IGFBP2: variants seen among roughly 807,000 people sequenced by gnomAD.
IGFBP2 encodes insulin like growth factor binding protein 2.
A neutral mutation model predicts 26.2 loss-of-function variants in IGFBP2; 12 were observed. The ratio of observed to expected loss-of-function variants is 0.46; its 90% CI spans 0.29 to 0.74. IGFBP2 has a LOEUF of 0.74. Among genes scored for constraint, IGFBP2 ranks in the 30% least tolerant of loss-of-function variants. The pLI, the probability that IGFBP2 is intolerant of heterozygous loss-of-function variation, is 0.09. For missense variants in IGFBP2, 328 were observed against 441.2 expected, an observed-to-expected ratio of 0.74 and a Z score of 2.30; for synonymous variants, 189 against 200.6, an observed-to-expected ratio of 0.94 and a Z score of 0.49.
chr2:216,659,658 C>T (rs372151331), intron 1 of IGFBP2: 3 of 1,407,432 alleles, frequency 2.1e-6, no homozygotes, highest in Non-Finnish European at 1.9e-6. Flanking sequence ...CCTCCTTCAC[C>T]TAGGCTGTGC....
chr2:216,641,688 AT>A (rs71401159), intron 1 of IGFBP2, among the ~76,000 whole-genome samples: 29,864 of 133,338 alleles, frequency 0.22, 5,096 homozygotes, highest in African/African-American at 0.5. Context: ...TCGGGCTTGC[AT>A]TTTTTTTTTT....
intron 1 of IGFBP2, among the ~76,000 whole-genome samples, chr2:216,645,931 C>T (rs9341144): frequency 0.024 from 3,662 of 152,308 alleles, 143 homozygotes; most frequent in African/African-American, 0.078. Flanking sequence ...TGAGGCTCTG[C>T]TGGTTGTCTC....
In IGFBP2 at chr2:216,664,327, G is replaced by A. The variant is rs1688719154; in HGVS notation, c.*223G>A. The A allele has an allele frequency of 1.2e-5, 5 of 421,504 alleles. No individual in the cohort carries two copies. Among genetic ancestry groups the A allele is most frequent in the Non-Finnish European group, 2.1e-5 (5 of 238,492 alleles). The allele number at this position is 421,504 out of a possible 1,614,324, so 26.1% of individuals were successfully genotyped here. On this transcript the variant is annotated 3_prime_UTR_variant, in exon 4 of 4. Coordinates refer to ENST00000233809, the MANE Select transcript of IGFBP2 (RefSeq NM_000597.3). This position sits in a 1 kb window ranked among gnomAD's most constrained non-coding sequence, Gnocchi z 4.6. ...CTTCTTGCTTTCCCCGGGGGAGGAA[G>A]GGGGTTGTGGTCGGGGAGCTGGGGT...
rs114535961 is a variant in IGFBP2, at chr2:216,637,397, T to C, written c.442+3432T>C. ...TGTGGCCCGACAGATTCTGGACCAG[T>C]GAGGCAAGTGGTGTTCTTTCTGACG... On this transcript the variant is annotated intron_variant, in intron 1 of 3. Transcript: ENST00000233809. 5.4e-3 allele frequency among the ~76,000 whole-genome samples: 829 copies of C among 152,266 alleles called. 3 individuals carry two copies. Among genetic ancestry groups the C allele is most frequent in the Non-Finnish European group, 8.7e-3 (595 of 68,010 alleles).
intron 3 of IGFBP2, chr2:216,663,210 G>A (rs1323931822): frequency 1.3e-5 from 2 of 152,228 alleles, no homozygotes; most frequent in African/African-American, 4.8e-5. Flanking sequence ...TCCATTTGGA[G>A]CTCAGAAGAA....
chr2:216,634,083 T>G, intron 1 of IGFBP2, 118 bp downstream of exon 1: 1 of 1,382,276 alleles, frequency 7.2e-7, no homozygotes, highest in African/African-American at 1.5e-5. Context: ...TTGGACCAAA[T>G]CAAGGGGGAC....
At chr2:216,652,582 A>G (rs1039220601) in intron 1 of IGFBP2, among the ~76,000 whole-genome samples, 2 of 152,234 alleles carry the variant, frequency 1.3e-5, no homozygotes, top group African/African-American at 4.8e-5. Context: ...GCTGGCATTC[A>G]GGGTTCTTGA....
chr2:216,658,044 A>G (rs540418745), intron 1 of IGFBP2, among the ~76,000 whole-genome samples: 3 of 152,170 alleles, frequency 2.0e-5, no homozygotes, highest in African/African-American at 4.8e-5. Context: ...GCTGTAAGAC[A>G]TGGAAATCCC....
chr2:216,640,220 T>C (rs1290811377), intron 1 of IGFBP2, among the ~76,000 whole-genome samples: 1 of 152,122 alleles, frequency 6.6e-6, no homozygotes, highest in Non-Finnish European at 1.5e-5. Context: ...AGAGGGATAT[T>C]ATGTAGGTGA....
chr2:216,641,494 T>C (rs1293266240), intron 1 of IGFBP2, among the ~76,000 whole-genome samples: 1 of 152,214 alleles, frequency 6.6e-6, no homozygotes, highest in South Asian at 2.1e-4. Context: ...GATTTCCATC[T>C]CTTCACCTAT....
At chr2:216,645,336 A>G (rs1244286464) in intron 1 of IGFBP2, among the ~76,000 whole-genome samples, 6 of 152,170 alleles carry the variant, frequency 3.9e-5, no homozygotes, top group Non-Finnish European at 5.9e-5. Flanking sequence ...TGGGGGTCCC[A>G]TAGAGATGGG....
At chr2:216,661,220 A>G in intron 2 of IGFBP2, 1 of 270,688 alleles carries the variant, frequency 3.7e-6, no homozygotes, top group South Asian at 4.3e-5. Flanking sequence ...CTCCTTCCTC[A>G]GCCTCCTGAA....
chr2:216,636,841 C>G (rs1697506146), intron 1 of IGFBP2, among the ~76,000 whole-genome samples: 1 of 146,902 alleles, frequency 6.8e-6, no homozygotes, highest in African/African-American at 2.5e-5. Flanking sequence ...GCCCGAGTGG[C>G]CGTTTGGCCC....
intron 1 of IGFBP2, among the ~76,000 whole-genome samples, chr2:216,652,822 C>T (rs1171880057): frequency 6.6e-6 from 1 of 152,208 alleles, no homozygotes; most frequent in African/African-American, 2.4e-5. Context: ...CTTCATTCCC[C>T]TGGCCCATTA....
At chr2:216,643,969 A>T (rs1334642505) in intron 1 of IGFBP2, among the ~76,000 whole-genome samples, 1 of 151,638 alleles carries the variant, frequency 6.6e-6, no homozygotes, top group Non-Finnish European at 1.5e-5. Context: ...CCATCTCCCT[A>T]TGCCTCTCCT....
chr2:216,633,537 T>C lies in IGFBP2; in HGVS notation c.14T>C (p.Val5Ala), dbSNP rs1697425819. MLPR[V>A]GCPALPLPPP... is the part of the protein sequence containing the mutation. The stretch of plus-strand genomic sequence containing the variant: ...CCGACCGCCAGCATGCTGCCGAGAG[T>C]GGGCTGCCCCGCGCTGCCGCTGCCG... The change falls in exon 1 of 4, where the codon GTG becomes GCG. Residue 5 changes from valine (V) to alanine (A), a missense_variant. Physicochemically the swap from Val to Ala is moderately conservative, Grantham distance 64. Coordinates refer to ENST00000233809, the MANE Select transcript of IGFBP2 (RefSeq NM_000597.3). The C allele has an allele frequency of 1.1e-6, 1 of 891,024 alleles. No individual in the cohort carries two copies. Among genetic ancestry groups the C allele is most frequent in the Non-Finnish European group, 1.4e-6 (1 of 740,414 alleles). 55.2% of individuals were successfully genotyped at this position (891,024 alleles called of 1,614,324 possible). A position where few individuals can be genotyped will look rare whatever the true frequency, so the allele number is the denominator to read the frequency against.
intron 1 of IGFBP2, among the ~76,000 whole-genome samples, chr2:216,648,823 G>T (rs1697764392): frequency 1.3e-5 from 2 of 152,106 alleles, no homozygotes; most frequent in Admixed American, 6.5e-5. Flanking sequence ...TGGCCAGGCT[G>T]GTCTCGAACT....
intron 1 of IGFBP2, 85 bp from the exon 2 acceptor site, chr2:216,660,472 A>C: frequency 1.0e-6 from 1 of 977,616 alleles, no homozygotes; most frequent in Non-Finnish European, 1.5e-6. Context: ...CACCCTCATC[A>C]TCATTACGGT....
intron 1 of IGFBP2, among the ~76,000 whole-genome samples, chr2:216,640,387 G>A (rs925330449): frequency 1.3e-5 from 2 of 152,148 alleles, no homozygotes; most frequent in African/African-American, 2.4e-5. Flanking sequence ...GCATAGAAGC[G>A]GGAGATGATG....
Sources: gnomAD v4.1 joint callset for allele counts (sites outside exome capture counted in the v4.1 genomes callset) on GRCh38, gnomAD v4.1.1 for gene constraint, Gnocchi (gnomAD v3.1) non-coding constraint, MANE v1.5 for transcripts, NCBI Gene and HGNC (gene_info 2026-07-23, HGNC 2026-07-21) for gene names.